SLC25A40: variants seen among roughly 807,000 people sequenced by gnomAD.
The protein encoded by SLC25A40 is mitochondrial glutathione transporter SLC25A40.
SLC25A40 carries 41 observed loss-of-function variants against 46.5 expected under a neutral mutation model. That is an observed-to-expected ratio of 0.88 (90% confidence interval 0.69 to 1.14). The LOEUF (loss-of-function observed/expected upper bound fraction) is 1.14, where lower values mean the gene tolerates loss of function less well. SLC25A40 is among the 50% of genes most tolerant of loss of function. SLC25A40 has a pLI of 0.00. For missense variants in SLC25A40, 386 were observed against 393.6 expected (o/e 0.98, Z 0.16); for synonymous variants, 126 against 127.5 (o/e 0.99, Z 0.08).
intron 1 of SLC25A40, among the ~76,000 whole-genome samples, chr7:87,867,038 G>A (rs1032577744): frequency 1.3e-5 from 2 of 152,202 alleles, no homozygotes; most frequent in African/African-American, 4.8e-5. Flanking sequence ...CCAGACTTGG[G>A]GTACCCACTG....
intron 1 of SLC25A40, among the ~76,000 whole-genome samples, chr7:87,870,319 G>A (rs1027335498): frequency 1.3e-5 from 2 of 151,946 alleles, no homozygotes; most frequent in African/African-American, 4.8e-5. Flanking sequence ...TATTTTTTCT[G>A]TTGTTGGCCT....
chr7:87,856,217 T>C (rs1319430654), intron 4 of SLC25A40, 75 bp downstream of exon 4: 1 of 1,272,252 alleles, frequency 7.9e-7, no homozygotes, highest in East Asian at 2.3e-5. Context: ...AGCAAATGAA[T>C]GTTAGGCAAA....
intron 1 of SLC25A40, among the ~76,000 whole-genome samples, chr7:87,863,647 T>C (rs899504740): frequency 6.6e-6 from 1 of 151,702 alleles, no homozygotes; most frequent in Non-Finnish European, 1.5e-5. Context: ...TACATTAATA[T>C]AGTGTGTCAA....
At chr7:87,871,363 C>T (rs952417748) in intron 1 of SLC25A40, among the ~76,000 whole-genome samples, 1 of 152,118 alleles carries the variant, frequency 6.6e-6, no homozygotes, top group African/African-American at 2.4e-5. Flanking sequence ...GCCAACAACC[C>T]CTAGTGAGCT....
intron 4 of SLC25A40, among the ~76,000 whole-genome samples, 171 bp from the exon 5 acceptor site, chr7:87,854,481 A>C (rs1035396692): frequency 6.6e-6 from 1 of 152,196 alleles, no homozygotes; most frequent in African/African-American, 2.4e-5. Context: ...GACAAAATTA[A>C]TTTGATTTGC....
At chr7:87,867,454 A>C (rs140920549) in intron 1 of SLC25A40, among the ~76,000 whole-genome samples, 1 of 152,176 alleles carries the variant, frequency 6.6e-6, no homozygotes, top group Non-Finnish European at 1.5e-5. Context: ...AAACAATTTC[A>C]ATCTGTTTAA....
intron 11 of SLC25A40, 119 bp downstream of exon 11, chr7:87,836,611 T>TCTTTA: frequency 1.7e-6 from 1 of 580,724 alleles, no homozygotes; most frequent in Non-Finnish European, 2.8e-6. Context: ...AATAAAGATA[T>TCTTTA]TTAGGAGAAA....
chr7:87,844,276 T>A (rs1389049758), intron 8 of SLC25A40, among the ~76,000 whole-genome samples: 1 of 152,132 alleles, frequency 6.6e-6, no homozygotes, highest in South Asian at 2.1e-4. Flanking sequence ...AGGTATATAA[T>A]ACAAATCTTT....
At chr7:87,856,381 G>A (rs552325985) in intron 3 of SLC25A40, 30 bp from the exon 4 acceptor site, 33 of 1,530,562 alleles carry the variant, frequency 2.2e-5, no homozygotes, top group Admixed American at 8.3e-5. Context: ...TTCAATTAGC[G>A]AGTGGTATCT....
chr7:87,838,110 T>C (rs1444373860), intron 10 of SLC25A40, among the ~76,000 whole-genome samples: 1 of 151,488 alleles, frequency 6.6e-6, no homozygotes, highest in Non-Finnish European at 1.5e-5. Context: ...TTTAAGAAGC[T>C]GTACTAGCAA....
intron 10 of SLC25A40, among the ~76,000 whole-genome samples, chr7:87,840,956 A>G (rs1413711679): frequency 2.0e-5 from 3 of 151,784 alleles, no homozygotes; most frequent in Admixed American, 2.0e-4. Flanking sequence ...ATAATTTTGT[A>G]ATAGATAATT....
At chr7:87,875,993 G>C (rs1464025239) in intron 1 of SLC25A40, 103 bp downstream of exon 1, 1 of 152,292 alleles carries the variant, frequency 6.6e-6, no homozygotes, top group Non-Finnish European at 1.5e-5. Context: ...TCCGGCTCCG[G>C]TTCCGGCCCC....
intron 10 of SLC25A40, among the ~76,000 whole-genome samples, chr7:87,839,421 G>A (rs964204926): frequency 1.4e-5 from 2 of 144,850 alleles, no homozygotes; most frequent in African/African-American, 5.4e-5. Context: ...TATTGCTTGA[G>A]TAGTGTTTTT....
intron 8 of SLC25A40, 104 bp downstream of exon 8, chr7:87,846,845 A>G (rs1838429551): frequency 1.0e-6 from 1 of 957,956 alleles, no homozygotes; most frequent in South Asian, 2.8e-5. Flanking sequence ...ACTATAGAAA[A>G]TAACTTACCT....
intron 4 of SLC25A40, 52 bp from the exon 5 acceptor site, chr7:87,854,362 T>G (rs1838569594): frequency 7.6e-6 from 8 of 1,047,196 alleles, no homozygotes; most frequent in African/African-American, 1.6e-5. Flanking sequence ...ACTGTTATTA[T>G]TTTTACAGAT....
chr7:87,873,400 A>G (rs1838923953), intron 1 of SLC25A40, among the ~76,000 whole-genome samples: 2 of 151,676 alleles, frequency 1.3e-5, no homozygotes, highest in South Asian at 2.1e-4. Context: ...TCATTTATAG[A>G]TAAGTAAATT....
At chr7:87,871,233 C>T (rs1236239765) in intron 1 of SLC25A40, among the ~76,000 whole-genome samples, 2 of 152,234 alleles carry the variant, frequency 1.3e-5, no homozygotes, top group Non-Finnish European at 2.9e-5. Flanking sequence ...TTCAATGATA[C>T]AGGCTGCCAT....
chr7:87,835,802 TTATCTAC>T lies in SLC25A40; in HGVS notation c.*440_*446del, dbSNP rs1838250884. 6.6e-6 allele frequency: 1 copy of T among 152,654 alleles called. No individual in the cohort carries two copies. The highest frequency in any genetic ancestry group is 2.4e-5 in the African/African-American group (1 of 41,374). 9.5% of individuals were successfully genotyped at this position (152,654 alleles called of 1,614,324 possible). ...TAAACAATGCTATTTAACGAGTGCTTTATCTACTTTACTGAAATACGGAAATACTTAT... is the reference window on the plus strand; with the variant it reads ...TAAACAATGCTATTTAACGAGTGCTTTTTACTGAAATACGGAAATACTTAT... On this transcript the variant is annotated 3_prime_UTR_variant, in exon 12 of 12. Transcript: ENST00000341119.
chr7:87,859,183 G>T (rs1337511180), intron 2 of SLC25A40, among the ~76,000 whole-genome samples: 2 of 152,168 alleles, frequency 1.3e-5, no homozygotes, highest in African/African-American at 4.8e-5. Flanking sequence ...GGCCAGGCGT[G>T]GTGGCTCACA....
Sources: gnomAD v4.1 joint callset for allele counts (sites outside exome capture counted in the v4.1 genomes callset) on GRCh38, gnomAD v4.1.1 for gene constraint, MANE v1.5 for transcripts, NCBI Gene and HGNC (gene_info 2026-07-23, HGNC 2026-07-21) for gene names.